KCND2: variants seen among roughly 807,000 people sequenced by gnomAD.
KCND2 encodes the protein potassium voltage-gated channel subfamily D member 2.
Under a neutral mutation model 54.4 loss-of-function variants are expected in KCND2, and 16 were observed. That is an observed-to-expected ratio of 0.29 (90% CI 0.20 to 0.45). The LOEUF (loss-of-function observed/expected upper bound fraction) is 0.45. Ranked by LOEUF, KCND2 falls within the 20% of genes least tolerant of loss-of-function variation. KCND2 has a pLI of 1.00. For missense variants in KCND2, 486 were observed against 824.2 expected, an observed-to-expected ratio of 0.59 and a Z score of 5.02; for synonymous variants, 317 against 310.7, an observed-to-expected ratio of 1.02 and a Z score of -0.21.
At chr7:120,289,707 C>T (rs1799406721) in intron 1 of KCND2, among the ~76,000 whole-genome samples, 1 of 151,986 alleles carries the variant, frequency 6.6e-6, no homozygotes, top group Non-Finnish European at 1.5e-5. Context: ...TTCCCTTCAC[C>T]TTAGGCCAGA....
intron 1 of KCND2, among the ~76,000 whole-genome samples, chr7:120,322,201 A>G (rs1799901375): frequency 2.0e-5 from 3 of 152,116 alleles, no homozygotes; most frequent in Admixed American, 6.6e-5. Context: ...ATTAAAATCA[A>G]TGGAGGAAAT....
intron 1 of KCND2, among the ~76,000 whole-genome samples, chr7:120,415,504 TA>T (rs1381963600): frequency 3.4e-5 from 5 of 148,122 alleles, no homozygotes; most frequent in Admixed American, 6.7e-5. Flanking sequence ...AACACTGTTT[TA>T]TTTTTTTCTA....
chr7:120,536,620 G>T (rs1442674593), intron 1 of KCND2, among the ~76,000 whole-genome samples: 1 of 152,014 alleles, frequency 6.6e-6, no homozygotes, highest in Non-Finnish European at 1.5e-5. Context: ...TCTTCACCAG[G>T]AATAGACTCC....
intron 1 of KCND2, among the ~76,000 whole-genome samples, chr7:120,309,814 A>G (rs1799711097): frequency 6.6e-6 from 1 of 152,124 alleles, no homozygotes; most frequent in Admixed American, 6.6e-5. Flanking sequence ...TCTGTATACA[A>G]TAAAACTGAA....
intron 1 of KCND2, among the ~76,000 whole-genome samples, chr7:120,682,500 A>G (rs985648965): frequency 1.3e-5 from 2 of 152,084 alleles, no homozygotes; most frequent in Non-Finnish European, 2.9e-5. Context: ...ACATATTCAA[A>G]AAGTGGAAAA....
Position 120,274,805 on chromosome 7 carries a change from C to T in KCND2, c.173C>T (p.Thr58Ile), listed in dbSNP as rs1413209544. The T allele has an allele frequency of 6.2e-7, 1 of 1,614,074 alleles. No individual in the cohort carries two copies. Among genetic ancestry groups the T allele is most frequent in the South Asian group, 1.1e-5 (1 of 91,080 alleles). Residue 58 changes from threonine to isoleucine, a missense_variant, in exon 1 of 6, where the codon ACC (threonine) becomes ATC (isoleucine). By Grantham distance (89) the Thr-to-Ile change is moderately conservative. Transcript: ENST00000331113. ...SGTRFQTWQD[T>I]LERYPDTLLG... ...ACCCGCTTCCAGACGTGGCAGGACA[C>T]CCTGGAACGTTACCCAGACACTCTA... is the stretch of plus-strand genomic sequence containing the variant.
chr7:120,478,845 T>C (rs1802565466), intron 1 of KCND2, among the ~76,000 whole-genome samples: 1 of 152,138 alleles, frequency 6.6e-6, no homozygotes, highest in African/African-American at 2.4e-5. Flanking sequence ...TTTGTAAGTA[T>C]AGCCAAGTAA....
At chr7:120,390,831 C>T (rs1421139884) in intron 1 of KCND2, among the ~76,000 whole-genome samples, 1 of 151,800 alleles carries the variant, frequency 6.6e-6, no homozygotes, top group Non-Finnish European at 1.5e-5. Flanking sequence ...CCTATGAATC[C>T]AAATGTCTGA....
intron 4 of KCND2, among the ~76,000 whole-genome samples, chr7:120,745,176 C>T (rs930694794): frequency 6.6e-6 from 1 of 152,032 alleles, no homozygotes; most frequent in Non-Finnish European, 1.5e-5. Context: ...GTGACACATT[C>T]GGCAGACAAT....
intron 1 of KCND2, among the ~76,000 whole-genome samples, chr7:120,431,763 C>A (rs929145819): frequency 6.6e-6 from 1 of 152,122 alleles, no homozygotes; most frequent in Non-Finnish European, 1.5e-5. Flanking sequence ...TGACAGACAT[C>A]AAAAATATCC....
At chr7:120,597,037 T>G (rs1382695060) in intron 1 of KCND2, among the ~76,000 whole-genome samples, 1 of 152,216 alleles carries the variant, frequency 6.6e-6, no homozygotes, top group Non-Finnish European at 1.5e-5. Flanking sequence ...CTGGCACACT[T>G]AAACTTAATT....
intron 1 of KCND2, among the ~76,000 whole-genome samples, chr7:120,415,565 C>T (rs1376501900): frequency 1.3e-5 from 2 of 152,146 alleles, no homozygotes; most frequent in Admixed American, 1.3e-4. Context: ...CCCATTTTAA[C>T]AAGGCCTTTG....
rs554926061 is a variant in KCND2 at position 120,484,105 on chromosome 7, CA to C, written c.1115+208363del. ...AAGACGCAAAGTGAGAAACTCTCAG[CA>C]AAAAGCAGGAGAGGTGAGATTTAAG... On this transcript the variant is annotated intron_variant, in intron 1 of 5. Transcript: ENST00000331113. 7.2e-5 allele frequency among the ~76,000 whole-genome samples: 11 copies of C among 152,086 alleles called. No individual in the cohort carries two copies. The East Asian group carries it at 1.9e-3, about 27-fold the overall frequency.
At chr7:120,677,850 T>G (rs2116583459) in intron 1 of KCND2, among the ~76,000 whole-genome samples, 1 of 152,234 alleles carries the variant, frequency 6.6e-6, no homozygotes, top group Non-Finnish European at 1.5e-5. Context: ...AGGTGCCTAA[T>G]GTAGGCTTAT....
At chr7:120,407,886 T>C (rs1484303041) in intron 1 of KCND2, among the ~76,000 whole-genome samples, 2 of 151,788 alleles carry the variant, frequency 1.3e-5, no homozygotes, top group Admixed American at 6.6e-5. Flanking sequence ...GCTGGAGAGA[T>C]GTAGATGTTT....
chr7:120,436,626 C>T (rs1801869620), intron 1 of KCND2, among the ~76,000 whole-genome samples: 1 of 152,176 alleles, frequency 6.6e-6, no homozygotes, highest in African/African-American at 2.4e-5. Flanking sequence ...ACTCTGTCTA[C>T]AAAATGCCAG....
At chr7:120,690,766 A>C (rs1298625476) in intron 1 of KCND2, among the ~76,000 whole-genome samples, 1 of 152,236 alleles carries the variant, frequency 6.6e-6, no homozygotes. Flanking sequence ...AGAATACAGC[A>C]ATGCATAAAA....
chr7:120,469,022 C>T (rs952556501), intron 1 of KCND2, among the ~76,000 whole-genome samples: 1 of 151,374 alleles, frequency 6.6e-6, no homozygotes, highest in African/African-American at 2.4e-5. Context: ...TGGATACACA[C>T]ACACACACAC....
chr7:120,587,496 T>A (rs1792614523), intron 1 of KCND2, among the ~76,000 whole-genome samples: 1 of 152,162 alleles, frequency 6.6e-6, no homozygotes, highest in African/African-American at 2.4e-5. Flanking sequence ...TGGTTATAAG[T>A]GACCAGGGAA....
Sources: gnomAD v4.1 joint callset for allele counts (sites outside exome capture counted in the v4.1 genomes callset) on GRCh38, gnomAD v4.1.1 for gene constraint, MANE v1.5 for transcripts, NCBI Gene and HGNC (gene_info 2026-07-23, HGNC 2026-07-21) for gene names.